Variants in LRP1B observed in about 807,000 individuals in gnomAD.
The protein encoded by LRP1B is LDL receptor related protein 1B.
A neutral mutation model predicts 556.6 loss-of-function variants in LRP1B; 217 were observed. The observed-to-expected ratio is 0.39, with a 90% CI of 0.35 to 0.44. The LOEUF is 0.44. Among genes scored for constraint, LRP1B ranks in the 20% least tolerant of loss-of-function variants. The probability of loss-of-function intolerance (pLI) is 1.00; values close to 1 mark genes in which losing one functional copy is unlikely to be tolerated. For synonymous variants in LRP1B, 2,047 were observed against 1,865.8 expected (o/e 1.10, Z -2.50); for missense variants, 5,053 against 5,620.8 (o/e 0.90, Z 3.23).
chr2:141,738,970 A>G (rs1276366325), intron 2 of LRP1B, among the ~76,000 whole-genome samples: 2 of 152,144 alleles, frequency 1.3e-5, no homozygotes, highest in African/African-American at 2.4e-5. Context: ...ATATCCACAC[A>G]GACACATTGC....
intron 3 of LRP1B, among the ~76,000 whole-genome samples, chr2:141,291,191 T>C (rs930346097): frequency 2.0e-5 from 3 of 152,180 alleles, no homozygotes; most frequent in Non-Finnish European, 4.4e-5. Flanking sequence ...TTAAGATGCA[T>C]ATTTCAGGAT....
At chr2:140,586,017 T>C (rs948658909) in intron 43 of LRP1B, among the ~76,000 whole-genome samples, 1 of 152,158 alleles carries the variant, frequency 6.6e-6, no homozygotes, top group Non-Finnish European at 1.5e-5. Context: ...TAAAAGTGTC[T>C]TTAAAAAAAC....
intron 1 of LRP1B, among the ~76,000 whole-genome samples, chr2:141,917,463 T>C (rs901177494): frequency 2.6e-5 from 4 of 152,214 alleles, no homozygotes; most frequent in Non-Finnish European, 4.4e-5. Flanking sequence ...ATTTGGACAT[T>C]AGTTTTTTCT....
intron 32 of LRP1B, among the ~76,000 whole-genome samples, chr2:140,793,781 A>C (rs6735489): frequency 0.35 from 53,189 of 151,718 alleles, 9,529 homozygotes; most frequent in African/African-American, 0.44. Context: ...GCAACTCAGC[A>C]CTTTAAATTG....
At chr2:141,768,460 T>A (rs1284023387) in intron 2 of LRP1B, among the ~76,000 whole-genome samples, 2 of 152,158 alleles carry the variant, frequency 1.3e-5, no homozygotes, top group African/African-American at 4.8e-5. Context: ...TTTAAAGGGT[T>A]TTTTAATTTC....
intron 58 of LRP1B, among the ~76,000 whole-genome samples, chr2:140,486,006 T>C (rs1339804724): frequency 2.0e-5 from 3 of 151,978 alleles, no homozygotes; most frequent in Non-Finnish European, 4.4e-5. Flanking sequence ...CCAACGAGAA[T>C]AGGCATTATT....
At chr2:140,851,945 G>A (rs1451704637) in intron 27 of LRP1B, among the ~76,000 whole-genome samples, 162 bp from the exon 28 acceptor site, 1 of 152,132 alleles carries the variant, frequency 6.6e-6, no homozygotes, top group Non-Finnish European at 1.5e-5. Flanking sequence ...ATCATACACA[G>A]CAATTACATT....
intron 41 of LRP1B, among the ~76,000 whole-genome samples, chr2:140,690,881 T>C (rs1686211163): frequency 6.6e-6 from 1 of 152,168 alleles, no homozygotes; most frequent in South Asian, 2.1e-4. Context: ...TGTAATTATC[T>C]AAATAGGTAA....
At chr2:140,487,546 T>A in intron 58 of LRP1B, 71 bp downstream of exon 58, 1 of 1,436,354 alleles carries the variant, frequency 7.0e-7, no homozygotes, top group Non-Finnish European at 9.7e-7. Context: ...GGTCATAAAA[T>A]AACATTTTCT....
chr2:141,147,000 C>G (rs1215906852), intron 7 of LRP1B, among the ~76,000 whole-genome samples: 1 of 152,198 alleles, frequency 6.6e-6, no homozygotes, highest in Non-Finnish European at 1.5e-5. Context: ...CATCCTCCTA[C>G]TAGCTTCTGG....
At chr2:142,104,076 C>A (rs1264926798) in intron 1 of LRP1B, among the ~76,000 whole-genome samples, 1 of 152,120 alleles carries the variant, frequency 6.6e-6, no homozygotes, top group African/African-American at 2.4e-5. Context: ...TTCTTTTCCA[C>A]TTCCTTTTTC....
In LRP1B at chr2:140,370,497, G is replaced by C. The variant is rs546859690; in HGVS notation, c.11008+213C>G. On this transcript the variant is annotated intron_variant, in intron 71 of 90. Transcript: ENST00000389484. ...CTCAGTAAACACTTGCCCTGTGTTCGTGTTTGTCATGCCCAGATTGGGATT... is the reference window on the plus strand; with the variant it reads ...CTCAGTAAACACTTGCCCTGTGTTCCTGTTTGTCATGCCCAGATTGGGATT... 1.7e-4 allele frequency among the ~76,000 whole-genome samples: 26 copies of C among 152,040 alleles called. 1 individual carries two copies. In the South Asian group the frequency reaches 5.4e-3, roughly 32 times the overall value.
At chr2:141,800,992 A>C (rs13407813) in intron 2 of LRP1B, among the ~76,000 whole-genome samples, 37,326 of 152,076 alleles carry the variant, frequency 0.25, 4,771 homozygotes, top group African/African-American at 0.31. Flanking sequence ...TTATTTCAAA[A>C]TTGAATTGCC....
intron 48 of LRP1B, 95 bp from the exon 49 acceptor site, chr2:140,526,088 T>C: frequency 7.1e-7 from 1 of 1,402,894 alleles, no homozygotes; most frequent in Non-Finnish European, 9.9e-7. Context: ...GTTAACTTCA[T>C]TTGAGGAAAT....
chr2:141,202,247 TG>T (rs1682059701), intron 6 of LRP1B, among the ~76,000 whole-genome samples: 1 of 150,192 alleles, frequency 6.7e-6, no homozygotes, highest in Admixed American at 6.7e-5. Context: ...CTTGGTTTTT[TG>T]TTTTGTTTTT....
intron 31 of LRP1B, among the ~76,000 whole-genome samples, chr2:140,837,072 T>C (rs1418494666): frequency 6.6e-6 from 1 of 152,218 alleles, no homozygotes; most frequent in African/African-American, 2.4e-5. Flanking sequence ...TACAATCATA[T>C]GATTTGAATT....
chr2:140,670,722 G>T (rs116048675), intron 41 of LRP1B, among the ~76,000 whole-genome samples: 2 of 152,106 alleles, frequency 1.3e-5, no homozygotes, highest in Non-Finnish European at 2.9e-5. Context: ...ACAAATCCAG[G>T]CAAAGAGAAT....
At chr2:140,703,834 C>G (rs1481019385) in intron 37 of LRP1B, among the ~76,000 whole-genome samples, 1 of 152,108 alleles carries the variant, frequency 6.6e-6, no homozygotes, top group Non-Finnish European at 1.5e-5. Flanking sequence ...CATGTTGCTG[C>G]AAAAGGGCTG....
chr2:140,759,421 C>A (rs946746489), intron 35 of LRP1B, among the ~76,000 whole-genome samples: 2 of 152,102 alleles, frequency 1.3e-5, no homozygotes, highest in Non-Finnish European at 1.5e-5. Flanking sequence ...TCTCTAGATC[C>A]TCTCATTGAA....
Sources: gnomAD v4.1 joint callset for allele counts (sites outside exome capture counted in the v4.1 genomes callset) on GRCh38, gnomAD v4.1.1 for gene constraint, MANE v1.5 for transcripts, NCBI Gene and HGNC (gene_info 2026-07-23, HGNC 2026-07-21) for gene names.